Variants in MDGA2 observed in about 807,000 individuals in gnomAD.
The protein encoded by MDGA2 is MAM domain-containing glycosylphosphatidylinositol anchor protein 2.
A neutral mutation model predicts 117.8 loss-of-function variants in MDGA2; 40 were observed. The ratio of observed to expected loss-of-function variants is 0.34; its 90% CI spans 0.26 to 0.44. MDGA2 has a LOEUF of 0.44. Among genes scored for constraint, MDGA2 ranks in the 20% least tolerant of loss-of-function variants. The probability of loss-of-function intolerance (pLI) is 1.00; values close to 1 mark genes in which losing one functional copy is unlikely to be tolerated. For synonymous variants in MDGA2, 452 were observed against 439.0 expected, an observed-to-expected ratio of 1.03 and a Z score of -0.37; for missense variants, 1,123 against 1,250.6, an observed-to-expected ratio of 0.90 and a Z score of 1.54.
At chr14:47,667,821 C>A (rs141065301) in intron 1 of MDGA2, among the ~76,000 whole-genome samples, 33 of 152,130 alleles carry the variant, frequency 2.2e-4, no homozygotes, top group Middle Eastern at 6.8e-3. Context: ...CAAAACAAGA[C>A]AAAAAATATA....
chr14:47,023,371 A>G (rs1008307666), intron 8 of MDGA2, among the ~76,000 whole-genome samples: 2 of 152,128 alleles, frequency 1.3e-5, no homozygotes, highest in Admixed American at 1.3e-4. Context: ...GCAGGGAAGA[A>G]TTCAGAGGAT....
rs776417349 is a variant in MDGA2 at position 46,855,007 on chromosome 14, A to C, written c.2883+17T>G. The C allele has an allele frequency of 2.5e-6, 4 of 1,581,878 alleles. No individual in the cohort carries two copies. The highest frequency in any genetic ancestry group is 1.7e-4 in the Middle Eastern group (1 of 5,902). On this transcript the variant is annotated intron_variant, in intron 15 of 16. Transcript: ENST00000399232. This position sits in a 1 kb window ranked among gnomAD's most constrained non-coding sequence, Gnocchi z 4.1. The stretch of plus-strand genomic sequence containing the variant: ...GCTCATTTACAGCAATTAATTAGCC[A>C]AAACTACTTTTCTTACCTGAAATGA...
At chr14:47,182,843 G>A (rs1022097749) in intron 3 of MDGA2, among the ~76,000 whole-genome samples, 4 of 151,844 alleles carry the variant, frequency 2.6e-5, no homozygotes, top group Admixed American at 6.6e-5. Flanking sequence ...TGCTTTTTTG[G>A]GTTTTTTTGG....
intron 3 of MDGA2, among the ~76,000 whole-genome samples, chr14:47,191,870 G>C (rs1885125092): frequency 6.7e-6 from 1 of 149,878 alleles, no homozygotes; most frequent in Non-Finnish European, 1.5e-5. Flanking sequence ...GAGCACATAG[G>C]GAGGGAATAC....
In MDGA2 at chr14:47,239,607, G is replaced by A. The variant is rs559206937; in HGVS notation, c.421-21412C>T. Among the ~76,000 whole-genome samples the A allele has an allele frequency of 3.8e-4, 58 of 151,820 alleles. 3 individuals are homozygous for A. The highest frequency in any genetic ancestry group is 3.3e-4 in the Admixed American group (5 of 15,264). On this transcript the variant is annotated intron_variant, in intron 2 of 16. Coordinates refer to ENST00000399232, the MANE Select transcript of MDGA2 (RefSeq NM_001113498.3). Reference sequence around the variant, plus strand: ...ATTTCAAGGGAACACATACCAAAAGGAGCTGTAAGTCAGTTATTTTATTAT... The same window carrying A: ...ATTTCAAGGGAACACATACCAAAAGAAGCTGTAAGTCAGTTATTTTATTAT...
chr14:47,542,372 A>G (rs1895370505), intron 1 of MDGA2, among the ~76,000 whole-genome samples: 1 of 152,252 alleles, frequency 6.6e-6, no homozygotes, highest in Non-Finnish European at 1.5e-5. Context: ...TGCCTTTAAC[A>G]GACATTTAAA....
intron 1 of MDGA2, among the ~76,000 whole-genome samples, chr14:47,378,739 G>C (rs9671397): frequency 0.059 from 9,019 of 152,266 alleles, 959 homozygotes; most frequent in East Asian, 0.53. Flanking sequence ...ATCTACGTCT[G>C]ATTGGTGTAC....
chr14:47,101,910 T>C (rs1247406076), intron 5 of MDGA2, among the ~76,000 whole-genome samples: 5 of 152,190 alleles, frequency 3.3e-5, no homozygotes, highest in South Asian at 2.1e-4. Context: ...CTAAAAATTA[T>C]AGTGATTCAG....
chr14:47,000,532 T>C (rs1887494621), intron 8 of MDGA2, among the ~76,000 whole-genome samples: 1 of 149,616 alleles, frequency 6.7e-6, no homozygotes, highest in Non-Finnish European at 1.5e-5. Context: ...TATTATATCA[T>C]GATATTTAAA....
rs191827765 is a variant in MDGA2 at position 47,121,983 on chromosome 14, A to G, written c.925+9731T>C. Among the ~76,000 whole-genome samples, 15 of 152,056 alleles carry G rather than the reference A, an allele frequency of 9.9e-5. No homozygotes were observed. The East Asian group carries it at 2.3e-3, about 24-fold the overall frequency. On this transcript the variant is annotated intron_variant, in intron 5 of 16. Transcript: ENST00000399232. ...AGGTATTAATCTTCTCAAATTCTGT[A>G]TGCCTAAACTTTGCTTGCATGGACC...
intron 6 of MDGA2, among the ~76,000 whole-genome samples, chr14:47,088,235 G>A (rs931579422): frequency 6.7e-6 from 1 of 150,312 alleles, no homozygotes; most frequent in African/African-American, 2.5e-5. Context: ...ATTTTATATG[G>A]CCTTGACTAA....
chr14:47,319,821 A>G (rs760947558), intron 1 of MDGA2, among the ~76,000 whole-genome samples: 15 of 152,196 alleles, frequency 9.9e-5, no homozygotes, highest in Non-Finnish European at 1.9e-4. Context: ...TTCCCCCAAA[A>G]GAGAAATGCT....
At chr14:47,454,518 T>A (rs1485009477) in intron 1 of MDGA2, among the ~76,000 whole-genome samples, 1 of 152,210 alleles carries the variant, frequency 6.6e-6, no homozygotes, top group Non-Finnish European at 1.5e-5. Flanking sequence ...GTCCTTAAGG[T>A]ATCAATAAAA....
At chr14:47,119,136 C>T (rs531922155) in intron 5 of MDGA2, among the ~76,000 whole-genome samples, 1 of 144,858 alleles carries the variant, frequency 6.9e-6, no homozygotes, top group African/African-American at 2.5e-5. Flanking sequence ...CCGCAAGCTC[C>T]GCCTCCTGGG....
intron 9 of MDGA2, among the ~76,000 whole-genome samples, chr14:46,935,970 C>A (rs1487217067): frequency 1.3e-5 from 2 of 150,544 alleles, no homozygotes; most frequent in Non-Finnish European, 2.9e-5. Context: ...AAATTTAATT[C>A]ATTTTAAAAT....
intron 6 of MDGA2, among the ~76,000 whole-genome samples, chr14:47,087,459 T>G (rs1329207137): frequency 1.5e-4 from 4 of 27,144 alleles, no homozygotes; most frequent in African/African-American, 2.5e-4. Flanking sequence ...AGACTCCACA[T>G]CAAAAAAAAA....
chr14:47,448,543 G>A (rs1242115309), intron 1 of MDGA2, among the ~76,000 whole-genome samples: 1 of 152,108 alleles, frequency 6.6e-6, no homozygotes, highest in Non-Finnish European at 1.5e-5. Flanking sequence ...AATGAGGTTT[G>A]GAGAACTTCC....
At chr14:46,871,476 A>T (rs1881994895) in intron 14 of MDGA2, 1 of 152,144 alleles carries the variant, frequency 6.6e-6, no homozygotes, top group Middle Eastern at 3.4e-3. Context: ...TTATCTATGA[A>T]ACAGGATAAT....
At chr14:46,957,717 A>G in intron 8 of MDGA2, 74 bp from the exon 9 acceptor site, 1 of 1,510,686 alleles carries the variant, frequency 6.6e-7, no homozygotes, top group Non-Finnish European at 9.1e-7. Flanking sequence ...TATTAGAAGA[A>G]GCCATTTGCA....
Sources: allele counts gnomAD v4.1 joint callset (sites outside exome capture counted in the v4.1 genomes callset), GRCh38; gene constraint gnomAD v4.1.1; non-coding constraint Gnocchi (gnomAD v3.1); transcripts MANE v1.5; gene names NCBI Gene and HGNC (gene_info 2026-07-23, HGNC 2026-07-21).